The following GRIK3 variants were observed in gnomAD, a reference collection of about 807,000 sequenced individuals.
The protein encoded by GRIK3 is glutamate receptor ionotropic, kainate 3.
In GRIK3, 29 loss-of-function variants were observed where a neutral mutation model predicts 102.5. The ratio of observed to expected loss-of-function variants is 0.28; its 90% CI spans 0.21 to 0.39. The LOEUF (loss-of-function observed/expected upper bound fraction) is 0.39, where lower values mean the gene tolerates loss of function less well. Ranked by LOEUF, GRIK3 falls within the 10% of genes least tolerant of loss-of-function variation. The probability of loss-of-function intolerance (pLI) is 1.00; values close to 1 mark genes in which losing one functional copy is unlikely to be tolerated. For missense variants in GRIK3, 908 were observed against 1,252.4 expected (o/e 0.73, Z 4.15); for synonymous variants, 511 against 504.9 (o/e 1.01, Z -0.16).
intron 1 of GRIK3, among the ~76,000 whole-genome samples, chr1:36,949,009 C>T (rs374241837): frequency 6.6e-6 from 1 of 152,196 alleles, no homozygotes; most frequent in East Asian, 1.9e-4. Flanking sequence ...GTGGCTCAGA[C>T]TGCCTGGGAA....
rs1480641401 is a variant in GRIK3, at chr1:36,819,261, C to T, written c.1873+475G>A. ...CAGTGTATCCTGAAGCTCTCTTAGT[C>T]CATTTCTGCCTTCCACTCCCAGGGC... On this transcript the variant is annotated intron_variant, in intron 12 of 15. Coordinates refer to ENST00000373091, the MANE Select transcript of GRIK3 (RefSeq NM_000831.4). The surrounding 1 kb of genome is among the most constrained non-coding windows in gnomAD (Gnocchi z 4.1). Among the ~76,000 whole-genome samples, 3 of 152,200 alleles carry T rather than the reference C, an allele frequency of 2.0e-5. No individual in the cohort carries two copies. The highest frequency in any genetic ancestry group is 7.2e-5 in the African/African-American group (3 of 41,446).
At chr1:36,897,545 G>A (rs1395534781) in intron 1 of GRIK3, among the ~76,000 whole-genome samples, 1 of 152,168 alleles carries the variant, frequency 6.6e-6, no homozygotes. Context: ...ATGAAAAGAT[G>A]CTCACATCAT....
At chr1:36,867,719 A>G (rs1482693392) in intron 5 of GRIK3, among the ~76,000 whole-genome samples, 1 of 152,130 alleles carries the variant, frequency 6.6e-6, no homozygotes, top group African/African-American at 2.4e-5. Flanking sequence ...GGGTCAGAGC[A>G]GGAACAAAAT....
chr1:36,890,442 C>A (rs1641101103), intron 2 of GRIK3, among the ~76,000 whole-genome samples: 1 of 150,426 alleles, frequency 6.6e-6, no homozygotes, highest in African/African-American at 2.5e-5. Flanking sequence ...CCAGCCTGGG[C>A]AACAGAGTGA....
chr1:36,850,241 C>A lies in GRIK3; in HGVS notation c.1326+70G>T. On this transcript the variant is annotated intron_variant, in intron 9 of 15. Coordinates refer to ENST00000373091, the MANE Select transcript of GRIK3 (RefSeq NM_000831.4). This position sits in a 1 kb window ranked among gnomAD's most constrained non-coding sequence, Gnocchi z 4.0. The stretch of plus-strand genomic sequence containing the variant: ...TTCTGGGTGGGGGGGATAGAGGGGA[C>A]TCTCCAGCCCGAACGGCCACCCCAC... 1.1e-6 allele frequency: 1 copy of A among 934,396 alleles called. No homozygotes were observed. The allele number at this position is 934,396 out of a possible 1,614,324, so 57.9% of individuals were successfully genotyped here.
At chr1:36,827,085 T>C (rs1427185682) in intron 10 of GRIK3, among the ~76,000 whole-genome samples, 2 of 152,150 alleles carry the variant, frequency 1.3e-5, no homozygotes, top group Admixed American at 1.3e-4. Context: ...CCAGAAACCC[T>C]CCCTCGCAGC....
In GRIK3 at chr1:36,819,806, G is replaced by A. The variant is rs143774986; in HGVS notation, c.1803C>T (p.Ser601=). ...GAGTGAAGTTATTTTCCACCACCTC[G>A]GAGCCAGGGTTGCAGGGGTGAGCAT... ...WYDAHPCNPG[S]EVVENNFTLL... Residue 601 remains serine, a synonymous_variant, in exon 12 of 16, where the codon TCC becomes TCT. Transcript: ENST00000373091. The surrounding 1 kb of genome is among the most constrained non-coding windows in gnomAD (Gnocchi z 4.1). 3.4e-4 allele frequency: 544 copies of A among 1,604,662 alleles called. No individual in the cohort carries two copies. The highest frequency in any genetic ancestry group is 4.4e-4 in the Non-Finnish European group (515 of 1,174,312).
At chr1:36,844,420 T>A (rs921883281) in intron 9 of GRIK3, among the ~76,000 whole-genome samples, 9 of 152,326 alleles carry the variant, frequency 5.9e-5, no homozygotes, top group African/African-American at 1.9e-4. Context: ...ACTGCCTTCA[T>A]GCAAATTCAT....
chr1:37,033,693 A>G (rs1642855876), intron 1 of GRIK3, among the ~76,000 whole-genome samples: 1 of 152,168 alleles, frequency 6.6e-6, no homozygotes, highest in Non-Finnish European at 1.5e-5. Context: ...GTCACCGCGA[A>G]ATGCGCCCTC....
At chr1:36,924,261 T>C (rs1042689782) in intron 1 of GRIK3, among the ~76,000 whole-genome samples, 3 of 151,996 alleles carry the variant, frequency 2.0e-5, no homozygotes, top group Non-Finnish European at 2.9e-5. Flanking sequence ...TCCACTAGGG[T>C]TTCCCTTGAT....
intron 3 of GRIK3, among the ~76,000 whole-genome samples, chr1:36,876,664 C>T (rs1345188752): frequency 6.6e-6 from 1 of 152,220 alleles, no homozygotes; most frequent in Admixed American, 6.5e-5. Flanking sequence ...AGCCAAAGCC[C>T]ACTGTGGAGT....
intron 1 of GRIK3, among the ~76,000 whole-genome samples, chr1:36,929,026 A>C (rs1172341945): frequency 6.6e-6 from 1 of 152,194 alleles, no homozygotes; most frequent in African/African-American, 2.4e-5. Context: ...GGAATCATAA[A>C]ATCTTTCCTA....
intron 1 of GRIK3, among the ~76,000 whole-genome samples, chr1:37,001,329 T>G (rs1416219668): frequency 6.6e-6 from 1 of 152,242 alleles, no homozygotes; most frequent in Non-Finnish European, 1.5e-5. Flanking sequence ...TCAATTGTAT[T>G]TGGCAGTTGT....
At position 37,009,074 on chromosome 1, in the gene GRIK3, GTAATAATAA is replaced by G. The variant is rs67140478; in HGVS notation, c.115+24911_115+24919del. Among the ~76,000 whole-genome samples the G allele has an allele frequency of 1.5e-3, 221 of 149,156 alleles. 1 individual carries two copies. The highest frequency in any genetic ancestry group is 3.9e-3 in the African/African-American group (159 of 40,564). ...ATTTCCTCATCTGTAAAATGGAGAT[GTAATAATAA>G]TAATAATAATAATAATAATAATATC... On this transcript the variant is annotated intron_variant, in intron 1 of 15. Coordinates refer to ENST00000373091, the MANE Select transcript of GRIK3 (RefSeq NM_000831.4).
In GRIK3 at chr1:36,802,029, G is replaced by A; in HGVS notation, c.2582C>T (p.Thr861Ile). ...GGAGAAACGGATCTCATCGGCCACG[G>A]TGCTGCAGAAGGAACGCTGCAGGAG... ...AEREQRSFCS[T>I]VADEIRFSLT... Residue 861 changes from threonine (T) to isoleucine (I), a missense_variant, in exon 16 of 16, where the codon ACC (threonine) becomes ATC (isoleucine). Thr to Ile is a moderately conservative substitution (Grantham distance 89). Coordinates refer to ENST00000373091, the MANE Select transcript of GRIK3 (RefSeq NM_000831.4). 1 of 1,612,084 alleles carries A rather than the reference G, an allele frequency of 6.2e-7. No homozygotes were observed.
intron 1 of GRIK3, among the ~76,000 whole-genome samples, chr1:36,943,696 T>C (rs1379019442): frequency 6.6e-6 from 1 of 152,240 alleles, no homozygotes; most frequent in African/African-American, 2.4e-5. Context: ...AGTAGCAGAA[T>C]TAATGATAGC....
intron 10 of GRIK3, among the ~76,000 whole-genome samples, chr1:36,838,152 C>A (rs1640403377): frequency 6.6e-6 from 1 of 152,190 alleles, no homozygotes; most frequent in Admixed American, 6.5e-5. Context: ...CTTGGCGAAG[C>A]ATTTTGGTGC....
At chr1:36,914,897 G>A (rs891747472) in intron 1 of GRIK3, among the ~76,000 whole-genome samples, 5 of 152,242 alleles carry the variant, frequency 3.3e-5, no homozygotes, top group African/African-American at 1.2e-4. Context: ...GGGCACAACA[G>A]GAGGGAAGGC....
intron 1 of GRIK3, among the ~76,000 whole-genome samples, chr1:36,931,496 A>G (rs1641588385): frequency 1.3e-5 from 2 of 151,982 alleles, no homozygotes; most frequent in African/African-American, 4.8e-5. Context: ...ACATGTATTT[A>G]TTTACTTGTT....
Sources: gnomAD v4.1 joint callset for allele counts (sites outside exome capture counted in the v4.1 genomes callset) on GRCh38, gnomAD v4.1.1 for gene constraint, Gnocchi (gnomAD v3.1) non-coding constraint, MANE v1.5 for transcripts, NCBI Gene and HGNC (gene_info 2026-07-23, HGNC 2026-07-21) for gene names.